Variants in KLHDC1 observed in about 807,000 individuals in gnomAD.
The protein encoded by KLHDC1 is kelch domain containing 1.
In KLHDC1, 53 loss-of-function variants were observed where a neutral mutation model predicts 68.3. The observed-to-expected ratio is 0.78, with a 90% CI of 0.62 to 0.98. The LOEUF (loss-of-function observed/expected upper bound fraction) is 0.98. KLHDC1 is among the 50% of genes least tolerant of loss of function. The probability of loss-of-function intolerance (pLI) is 0.00; values close to 1 mark genes in which losing one functional copy is unlikely to be tolerated. For missense variants in KLHDC1, 470 were observed against 492.3 expected (o/e 0.95, Z 0.43); for synonymous variants, 148 against 159.0 (o/e 0.93, Z 0.52).
In KLHDC1 at chr14:49,727,785, C is replaced by T. The variant is rs139762815; in HGVS notation, c.568-1141C>T. ...CTGAATTATGTCTTACCAAGTTGAC[C>T]TCAGCACAGTTATTCAAATAAGCCT... is the stretch of plus-strand genomic sequence containing the variant. On this transcript the variant is annotated intron_variant, in intron 6 of 12. Coordinates refer to ENST00000359332, the MANE Select transcript of KLHDC1 (RefSeq NM_172193.3). Among the ~76,000 whole-genome samples the T allele has an allele frequency of 5.9e-5, 9 of 152,174 alleles. No homozygotes were observed. The East Asian group carries it at 1.7e-3, about 29-fold the overall frequency.
chr14:49,729,940 G>A (rs1284768428), intron 8 of KLHDC1, among the ~76,000 whole-genome samples: 2 of 152,016 alleles, frequency 1.3e-5, no homozygotes, highest in African/African-American at 4.8e-5. Context: ...TTAGCAATTT[G>A]TATAATGAGA....
Position 49,693,489 on chromosome 14 carries a change from A to C in KLHDC1, c.96+199A>C, listed in dbSNP as rs150195421. 5.5e-3 allele frequency among the ~76,000 whole-genome samples: 837 copies of C among 151,818 alleles called. 9 individuals are homozygous for C. Among genetic ancestry groups the C allele is most frequent in the African/African-American group, 0.019 (768 of 41,486 alleles). Reference sequence around the variant, plus strand: ...ACGTCGTCCCGCCGTTGCTTCTTCTATTAAAGCCTCAGACCCGGCTCCGGG... The same window carrying C: ...ACGTCGTCCCGCCGTTGCTTCTTCTCTTAAAGCCTCAGACCCGGCTCCGGG... On this transcript the variant is annotated intron_variant, in intron 1 of 12. Transcript: ENST00000359332.
intron 10 of KLHDC1, among the ~76,000 whole-genome samples, chr14:49,738,253 C>G (rs1455053393): frequency 1.3e-5 from 2 of 151,788 alleles, no homozygotes; most frequent in Non-Finnish European, 2.9e-5. Flanking sequence ...ATTAGATGCT[C>G]TACTCCTTTA....
intron 4 of KLHDC1, among the ~76,000 whole-genome samples, chr14:49,722,726 T>C (rs1396137459): frequency 1.3e-5 from 2 of 151,866 alleles, no homozygotes; most frequent in Non-Finnish European, 2.9e-5. Context: ...TGGCAGAAAG[T>C]GAAAAGCAAG....
At chr14:49,732,604 G>T in intron 8 of KLHDC1, 100 bp from the exon 9 acceptor site, 1 of 474,522 alleles carries the variant, frequency 2.1e-6, no homozygotes, top group South Asian at 4.3e-5. Flanking sequence ...AAGTTTTTTG[G>T]AGCAGTGAGG....
At position 49,752,196 on chromosome 14, in the gene KLHDC1, A is replaced by G. The variant is rs1363638249; in HGVS notation, c.*424A>G. 3.3e-5 allele frequency: 5 copies of G among 152,186 alleles called. No individual in the cohort carries two copies. Among genetic ancestry groups the G allele is most frequent in the Admixed American group, 3.3e-4 (5 of 15,280 alleles). 9.4% of individuals were successfully genotyped at this position (152,186 alleles called of 1,614,324 possible). ...CAGAAAGAATAAACTTTCTCAAGTC[A>G]TTTTAAAGTTACCTAACGTTCTTCT... is the stretch of plus-strand genomic sequence containing the variant. On this transcript the variant is annotated 3_prime_UTR_variant, in exon 13 of 13. Transcript: ENST00000359332.
intron 4 of KLHDC1, among the ~76,000 whole-genome samples, chr14:49,723,255 A>AAATTTGGGTAG (rs1888581018): frequency 2.7e-5 from 4 of 150,356 alleles, no homozygotes; most frequent in Non-Finnish European, 5.9e-5. Flanking sequence ...GTAGGGACAC[A>AAATTTGGGTAG]GCCAAACCAT....
At chr14:49,747,158 AGGAT>A (rs1423490794) in intron 12 of KLHDC1, among the ~76,000 whole-genome samples, 4 of 152,264 alleles carry the variant, frequency 2.6e-5, no homozygotes, top group East Asian at 1.9e-4. Flanking sequence ...CATGTTAGCC[AGGAT>A]GGTCTCGATC....
intron 6 of KLHDC1, among the ~76,000 whole-genome samples, chr14:49,726,964 G>T (rs933363343): frequency 2.0e-5 from 3 of 152,132 alleles, no homozygotes; most frequent in East Asian, 1.9e-4. Flanking sequence ...TTAGAAAAGG[G>T]CTGGGCTTGC....
intron 11 of KLHDC1, among the ~76,000 whole-genome samples, chr14:49,743,172 G>A (rs1889108907): frequency 6.6e-6 from 1 of 151,756 alleles, no homozygotes; most frequent in Non-Finnish European, 1.5e-5. Flanking sequence ...TGAGGCAGGT[G>A]GATCACCTGA....
At chr14:49,745,111 CAT>C (rs1052114657) in intron 12 of KLHDC1, among the ~76,000 whole-genome samples, 2 of 152,072 alleles carry the variant, frequency 1.3e-5, no homozygotes, top group African/African-American at 2.4e-5. Flanking sequence ...TAAGTGAAGA[CAT>C]ATGAGAAAGA....
intron 4 of KLHDC1, among the ~76,000 whole-genome samples, chr14:49,710,688 G>A (rs942679628): frequency 6.6e-6 from 1 of 152,060 alleles, no homozygotes; most frequent in Non-Finnish European, 1.5e-5. Context: ...AAAACTAGAT[G>A]GTAGCCTCTT....
intron 8 of KLHDC1, 112 bp from the exon 9 acceptor site, chr14:49,732,592 A>G: frequency 2.0e-6 from 1 of 495,084 alleles, no homozygotes; most frequent in Non-Finnish European, 3.5e-6. Flanking sequence ...TGGGACTAGT[A>G]AAAGTTTTTT....
chr14:49,704,727 CAGGAAGAAAAGGAGTCA>C (rs1888003768), intron 1 of KLHDC1, among the ~76,000 whole-genome samples: 1 of 151,918 alleles, frequency 6.6e-6, no homozygotes, highest in Admixed American at 6.6e-5. Context: ...TTCCTAGAAA[CAGGAAGAAAAGGAGTCA>C]AGGGAGAATT....
intron 6 of KLHDC1, 124 bp downstream of exon 6, chr14:49,725,893 G>A: frequency 1.8e-6 from 1 of 547,134 alleles, no homozygotes. Context: ...TGTTGCCCAG[G>A]CTGGAGTACA....
intron 4 of KLHDC1, among the ~76,000 whole-genome samples, chr14:49,721,005 A>G (rs1262397936): frequency 6.6e-6 from 1 of 152,074 alleles, no homozygotes; most frequent in Non-Finnish European, 1.5e-5. Context: ...TGCTGAAATT[A>G]CCCATTTATT....
At chr14:49,748,149 A>G (rs1356347102) in intron 12 of KLHDC1, among the ~76,000 whole-genome samples, 1 of 152,224 alleles carries the variant, frequency 6.6e-6, no homozygotes, top group Non-Finnish European at 1.5e-5. Flanking sequence ...TAAAGAATGA[A>G]AAGGTTTCTC....
chr14:49,720,306 A>T (rs1356539954), intron 4 of KLHDC1, among the ~76,000 whole-genome samples: 2 of 151,880 alleles, frequency 1.3e-5, no homozygotes, highest in Non-Finnish European at 2.9e-5. Flanking sequence ...TTTTGTAGGG[A>T]TGGGGATCTC....
At chr14:49,748,671 C>T (rs148830004) in intron 12 of KLHDC1, among the ~76,000 whole-genome samples, 11 of 151,052 alleles carry the variant, frequency 7.3e-5, no homozygotes, top group East Asian at 5.8e-4. Flanking sequence ...AAAATTCATA[C>T]GATATGAAAA....
Sources: allele counts gnomAD v4.1 joint callset (sites outside exome capture counted in the v4.1 genomes callset), GRCh38; gene constraint gnomAD v4.1.1; transcripts MANE v1.5; gene names NCBI Gene and HGNC (gene_info 2026-07-23, HGNC 2026-07-21).